Variants in STX11 observed in about 807,000 individuals in gnomAD.
The protein encoded by STX11 is syntaxin 11, also known as syntaxin-11.
Under a neutral mutation model 19.9 loss-of-function variants are expected in STX11, and 21 were observed. That is an observed-to-expected ratio of 1.06 (90% CI 0.75 to 1.52). The LOEUF is 1.52. STX11 is among the 40% of genes most tolerant of loss of function. The pLI, the probability that STX11 is intolerant of heterozygous loss-of-function variation, is 0.00. For missense variants in STX11, 438 were observed against 405.9 expected (o/e 1.08, Z -0.68); for synonymous variants, 193 against 174.4 (o/e 1.11, Z -0.84).
In STX11 at chr6:144,167,460, G is replaced by T. The variant is rs1170350343; in HGVS notation, c.-6+16757G>T. 6.6e-6 allele frequency among the ~76,000 whole-genome samples: 1 copy of T among 152,106 alleles called. No individual in the cohort carries two copies. The highest frequency in any genetic ancestry group is 1.5e-5 in the Non-Finnish European group (1 of 68,036). ...TATACAATGTTTTTAATAATATTGT[G>T]CATGACAAAGTTTATGTACATTGAA... On this transcript the variant is annotated intron_variant, in intron 1 of 1. Transcript: ENST00000367568. The surrounding 1 kb of genome is among the most constrained non-coding windows in gnomAD (Gnocchi z 5.0).
Position 144,153,005 on chromosome 6 carries a change from G to GT in STX11, c.-6+2308dup, listed in dbSNP as rs1434124961. On this transcript the variant is annotated intron_variant, in intron 1 of 1. Transcript: ENST00000367568. This position sits in a 1 kb window ranked among gnomAD's most constrained non-coding sequence, Gnocchi z 5.0. The stretch of plus-strand genomic sequence containing the variant: ...CATTGTTTTTGTAGTTCAAATCAAT[G>GT]TTTTTTATCACATTATAGCCGTGTG... 2.6e-5 allele frequency among the ~76,000 whole-genome samples: 4 copies of GT among 152,160 alleles called. No homozygotes were observed. The highest frequency in any genetic ancestry group is 4.8e-5 in the African/African-American group (2 of 41,428).
chr6:144,187,569 G>C lies in STX11; in HGVS notation c.*78G>C, dbSNP rs940498844. ...AGGACGCACCAAAGCCGGGAGCTCT[G>C]CCCTGCAGGGAGTTGCCCCAACCCT... is the stretch of plus-strand genomic sequence containing the variant. On this transcript the variant is annotated 3_prime_UTR_variant, in exon 2 of 2. Transcript: ENST00000367568. This position sits in a 1 kb window ranked among gnomAD's most constrained non-coding sequence, Gnocchi z 5.6. 22 of 1,589,590 alleles carry C rather than the reference G, an allele frequency of 1.4e-5. No homozygotes were observed. The highest frequency in any genetic ancestry group is 5.2e-5 in the Admixed American group (3 of 57,734).
chr6:144,147,034 G>A (rs1354555359), upstream of STX11, among the ~76,000 whole-genome samples: 1 of 151,952 alleles, frequency 6.6e-6, no homozygotes, highest in Non-Finnish European at 1.5e-5. The surrounding 1 kb of genome is among the most constrained non-coding windows in gnomAD (Gnocchi z 4.2). Context: ...GTGTGCATTG[G>A]ATTGCACACC....
chr6:144,156,292 T>TA (rs909426370), intron 1 of STX11, among the ~76,000 whole-genome samples: 8 of 151,968 alleles, frequency 5.3e-5, no homozygotes, highest in African/African-American at 1.7e-4. Context: ...TCCAACTCCC[T>TA]ACCTCAGGCG....
In STX11 at chr6:144,188,322, T is replaced by C. The variant is rs180953976; in HGVS notation, c.*831T>C. The stretch of plus-strand genomic sequence containing the variant: ...ATATATGTACATAATGATCAATTGG[T>C]TTAACTTCTTTTATGTAAGTATGGT... On this transcript the variant is annotated 3_prime_UTR_variant, in exon 2 of 2. Coordinates refer to ENST00000367568, the MANE Select transcript of STX11 (RefSeq NM_003764.4). The C allele has an allele frequency of 3.2e-4, 73 of 229,254 alleles. No individual in the cohort carries two copies. Among genetic ancestry groups the C allele is most frequent in the African/African-American group, 1.6e-3 (69 of 44,350 alleles). The allele number at this position is 229,254 out of a possible 1,614,324, so 14.2% of individuals were successfully genotyped here.
At position 144,186,848 on chromosome 6, in the gene STX11, C is replaced by T. The variant is rs540150447; in HGVS notation, c.221C>T (p.Thr74Met). Residue 74 changes from threonine to methionine, a missense_variant, in exon 2 of 2, where the codon ACG (threonine) becomes ATG (methionine). Coordinates refer to ENST00000367568, the MANE Select transcript of STX11 (RefSeq NM_003764.4). ...GGAAAGCAGAACGCCCGCTTCCTCA[C>T]GTCCATGCGGCGCCTCAGCAGCATC... The part of the protein sequence containing the change: ...RLGKQNARFL[T>M]SMRRLSSIKR... The T allele has an allele frequency of 4.4e-4, 709 of 1,613,210 alleles. 5 individuals carry two copies. The South Asian group carries it at 7.4e-3, about 17-fold the overall frequency.
At position 144,155,947 on chromosome 6, in the gene STX11, T is replaced by A. The variant is rs202193623; in HGVS notation, c.-6+5244T>A. On this transcript the variant is annotated intron_variant, in intron 1 of 1. Transcript: ENST00000367568. This position sits in a 1 kb window ranked among gnomAD's most constrained non-coding sequence, Gnocchi z 4.5. ...AATGTGTTTTAAAATTTAATCTTTC[T>A]TTCTTTCTTTCTTTCTTTCTTTCTT... is the stretch of plus-strand genomic sequence containing the variant. Among the ~76,000 whole-genome samples, 2 of 9,826 alleles carry A rather than the reference T, an allele frequency of 2.0e-4. No homozygotes were observed. Among genetic ancestry groups the A allele is most frequent in the African/African-American group, 6.3e-4 (2 of 3,164 alleles). 6.4% of individuals were successfully genotyped at this position (9,826 alleles called of 152,430 possible). A position where few individuals can be genotyped will look rare whatever the true frequency, so the allele number is the denominator to read the frequency against.
the STX11 span, among the ~76,000 whole-genome samples, chr6:144,144,439 T>A: frequency 1.3e-5 from 2 of 152,230 alleles, no homozygotes; most frequent in African/African-American, 4.8e-5. Context: ...AAACTTAAAT[T>A]TAAAGCCGGC....
At position 144,155,538 on chromosome 6, in the gene STX11, C is replaced by T. The variant is rs997658755; in HGVS notation, c.-6+4835C>T. Among the ~76,000 whole-genome samples the T allele has an allele frequency of 2.0e-5, 3 of 152,120 alleles. No individual in the cohort carries two copies. The highest frequency in any genetic ancestry group is 2.0e-4 in the Admixed American group (3 of 15,268). ...CCACATGTCTACCCCTTGGCCTGAG[C>T]TTTTATGTGCCTGCCTATAATTCAT... On this transcript the variant is annotated intron_variant, in intron 1 of 1. Transcript: ENST00000367568. The surrounding 1 kb of genome is among the most constrained non-coding windows in gnomAD (Gnocchi z 4.5).
chr6:144,162,241 A>G lies in STX11; in HGVS notation c.-6+11538A>G, dbSNP rs866302929. Among the ~76,000 whole-genome samples the G allele has an allele frequency of 1.1e-4, 16 of 152,298 alleles. No homozygotes were observed. The highest frequency in any genetic ancestry group is 3.4e-3 in the Middle Eastern group (1 of 294). On this transcript the variant is annotated intron_variant, in intron 1 of 1. Transcript: ENST00000367568. This position sits in a 1 kb window ranked among gnomAD's most constrained non-coding sequence, Gnocchi z 4.6. ...TCCCGTAGATACTCGGCCTTTTATT[A>G]TGAGTTCTGAGTCTTTAGAAATTTA...
At position 144,155,940 on chromosome 6, in the gene STX11, ATCTTTCTTTCTTTCTTTCTTTCTT is replaced by A. The variant is rs747288617; in HGVS notation, c.-6+5289_-6+5312del. On this transcript the variant is annotated intron_variant, in intron 1 of 1. Coordinates refer to ENST00000367568, the MANE Select transcript of STX11 (RefSeq NM_003764.4). This position sits in a 1 kb window ranked among gnomAD's most constrained non-coding sequence, Gnocchi z 4.5. ...CTAATTAAATGTGTTTTAAAATTTA[ATCTTTCTTTCTTTCTTTCTTTCTT>A]TCTTTCTTTCTTTCTTTCTTTCTTT... Among the ~76,000 whole-genome samples, 973 of 119,902 alleles carry A rather than the reference ATCTTTCTTTCTTTCTTTCTTTCTT, an allele frequency of 8.1e-3. 17 individuals carry two copies. Among genetic ancestry groups the A allele is most frequent in the East Asian group, 0.047 (184 of 3,928 alleles). 78.7% of individuals were successfully genotyped at this position (119,902 alleles called of 152,430 possible). A position where few individuals can be genotyped will look rare whatever the true frequency, so the allele number is the denominator to read the frequency against.
rs751130386 is a variant in STX11 at position 144,186,623 on chromosome 6, G to T, written c.-5G>T. 2.5e-6 allele frequency: 4 copies of T among 1,613,972 alleles called. No individual in the cohort carries two copies. In the South Asian group the frequency reaches 3.3e-5, roughly 13 times the overall value. On this transcript the variant is annotated splice_region_variant and 5_prime_UTR_variant, in exon 2 of 2. Coordinates refer to ENST00000367568, the MANE Select transcript of STX11 (RefSeq NM_003764.4). ...TTAACTTCATTATCTCTACTTGCAG[G>T]CAAAATGAAAGACCGGCTAGCAGAA...
chr6:144,186,594 A>G (rs1387267755), intron 1 of STX11, 29 bp from the exon 2 acceptor site: 1 of 1,613,426 alleles, frequency 6.2e-7, no homozygotes, highest in Non-Finnish European at 8.5e-7. Flanking sequence ...CTCAATAGAG[A>G]AATTTAACTT....
rs1238668439 is a variant in STX11, at chr6:144,190,047, T to G, written c.*2556T>G. ...AGTAAGTGAGTTTTCAGGCTCTATA[T>G]ACATTTTAATTCCTCACGTTTTATA... On this transcript the variant is annotated 3_prime_UTR_variant, in exon 2 of 2. Coordinates refer to ENST00000367568, the MANE Select transcript of STX11 (RefSeq NM_003764.4). Among the ~76,000 whole-genome samples the G allele has an allele frequency of 6.6e-6, 1 of 152,242 alleles. No individual in the cohort carries two copies. The highest frequency in any genetic ancestry group is 1.9e-4 in the East Asian group (1 of 5,196).
the STX11 span, among the ~76,000 whole-genome samples, chr6:144,140,256 T>TATATA: frequency 8.4e-3 from 615 of 73,300 alleles, 11 homozygotes; most frequent in Non-Finnish European, 0.014. Flanking sequence ...ATATATATAT[T>TATATA]TATTTATTTA....
In STX11 at chr6:144,177,536, C is replaced by G. The variant is rs1801805578; in HGVS notation, c.-5-9087C>G. Among the ~76,000 whole-genome samples the G allele has an allele frequency of 1.3e-5, 2 of 152,188 alleles. No individual in the cohort carries two copies. On this transcript the variant is annotated intron_variant, in intron 1 of 1. Transcript: ENST00000367568. The surrounding 1 kb of genome is among the most constrained non-coding windows in gnomAD (Gnocchi z 4.4). ...GGCTGAGGCAGGCGGATCACAAGGT[C>G]AGGAGTTTGAGACCAACCTGGCCAA... is the stretch of plus-strand genomic sequence containing the variant.
Position 144,155,474 on chromosome 6 carries a change from G to A in STX11, c.-6+4771G>A, listed in dbSNP as rs1801112109. Among the ~76,000 whole-genome samples, 1 of 152,206 alleles carries A rather than the reference G, an allele frequency of 6.6e-6. No individual in the cohort carries two copies. The highest frequency in any genetic ancestry group is 6.5e-5 in the Admixed American group (1 of 15,292). On this transcript the variant is annotated intron_variant, in intron 1 of 1. Transcript: ENST00000367568. The surrounding 1 kb of genome is among the most constrained non-coding windows in gnomAD (Gnocchi z 4.5). Reference sequence around the variant, plus strand: ...AATCAACATATTTATAGTTGCCCATGAAATGAGAGTGACATGAAGCCTCGC... The same window carrying A: ...AATCAACATATTTATAGTTGCCCATAAAATGAGAGTGACATGAAGCCTCGC...
chr6:144,148,890 A>T (rs1380157760), upstream of STX11, among the ~76,000 whole-genome samples: 1 of 152,158 alleles, frequency 6.6e-6, no homozygotes, highest in Non-Finnish European at 1.5e-5. Context: ...CCACGTCTGG[A>T]CTGTACTTTC....
intron 1 of STX11, among the ~76,000 whole-genome samples, chr6:144,173,688 T>C (rs984222543): frequency 6.6e-6 from 1 of 152,238 alleles, no homozygotes; most frequent in African/African-American, 2.4e-5. Context: ...ACCAACATTT[T>C]CAGCCTTTGG....
Sources: gnomAD v4.1 joint callset for allele counts (sites outside exome capture counted in the v4.1 genomes callset) on GRCh38, gnomAD v4.1.1 for gene constraint, Gnocchi (gnomAD v3.1) non-coding constraint, MANE v1.5 for transcripts, NCBI Gene and HGNC (gene_info 2026-07-23, HGNC 2026-07-21) for gene names.